The following MCCC1 variants were observed in gnomAD, a reference collection of about 807,000 sequenced individuals.
MCCC1 encodes the protein methylcrotonyl-CoA carboxylase subunit 1, also known as methylcrotonoyl-CoA carboxylase subunit alpha, mitochondrial.
Under a neutral mutation model 83.8 loss-of-function variants are expected in MCCC1, and 64 were observed. The observed-to-expected ratio is 0.76, with a 90% CI of 0.62 to 0.94. MCCC1 has a LOEUF of 0.94. MCCC1 is among the 40% of genes least tolerant of loss of function. The probability of loss-of-function intolerance (pLI) is 0.00; values close to 1 mark genes in which losing one functional copy is unlikely to be tolerated. For missense variants in MCCC1, 807 were observed against 904.7 expected, an observed-to-expected ratio of 0.89 and a Z score of 1.39; for synonymous variants, 322 against 315.4, an observed-to-expected ratio of 1.02 and a Z score of -0.22.
intron 7 of MCCC1, among the ~76,000 whole-genome samples, chr3:183,062,944 G>A (rs1054891840): frequency 2.6e-5 from 4 of 151,944 alleles, no homozygotes; most frequent in East Asian, 3.9e-4. Flanking sequence ...TATCATGAGC[G>A]CCTTGATATT....
At chr3:183,099,614 A>C, upstream of MCCC1, 1 of 732,806 alleles carries the variant, frequency 1.4e-6, no homozygotes, top group Non-Finnish European at 2.3e-6. Context: ...ACACCAATCA[A>C]AGACCAGAGC....
chr3:183,108,678 A>G (rs1719445027), intron 1 of MCCC1, among the ~76,000 whole-genome samples: 1 of 152,200 alleles, frequency 6.6e-6, no homozygotes, highest in African/African-American at 2.4e-5. Context: ...CAGAGTTAGA[A>G]GCTGGTGTGC....
chr3:183,046,419 A>C (rs566851949), intron 9 of MCCC1, among the ~76,000 whole-genome samples: 177 of 150,668 alleles, frequency 1.2e-3, no homozygotes, highest in African/African-American at 4.1e-3. Flanking sequence ...TTTTTTTAAG[A>C]TGGAATCTCA....
chr3:183,097,856 A>G (rs1718853510), intron 1 of MCCC1, among the ~76,000 whole-genome samples: 1 of 152,202 alleles, frequency 6.6e-6, no homozygotes, highest in African/African-American at 2.4e-5. Flanking sequence ...GGCCTAAGAA[A>G]AGAAAAACCA....
chr3:183,057,987 C>T (rs1039145342), intron 7 of MCCC1, among the ~76,000 whole-genome samples: 3 of 151,964 alleles, frequency 2.0e-5, no homozygotes, highest in Admixed American at 6.6e-5. Flanking sequence ...CTTCTCCAAC[C>T]TAAAGGAGAA....
upstream of MCCC1, among the ~76,000 whole-genome samples, chr3:183,100,860 C>T (rs1399354040): frequency 2.0e-5 from 3 of 152,238 alleles, no homozygotes; most frequent in Admixed American, 6.5e-5. Flanking sequence ...TGGCCAAGGC[C>T]GGAGCCCACT....
At chr3:183,030,188 G>A (rs1424950998) in intron 14 of MCCC1, among the ~76,000 whole-genome samples, 1 of 152,070 alleles carries the variant, frequency 6.6e-6, no homozygotes, top group Admixed American at 6.5e-5. Context: ...CACACCTGTA[G>A]TCCCAGCTAC....
chr3:183,112,701 T>G (rs1428763956), intron 1 of MCCC1, among the ~76,000 whole-genome samples: 2 of 152,168 alleles, frequency 1.3e-5, no homozygotes, highest in Non-Finnish European at 2.9e-5. Context: ...CCATAAATAT[T>G]TCAGCATGTA....
At position 183,025,135 on chromosome 3, in the gene MCCC1, G is replaced by A. The variant is rs528118517; in HGVS notation, c.1731+620C>T. 1.7e-3 allele frequency among the ~76,000 whole-genome samples: 252 copies of A among 152,264 alleles called. 1 individual carries two copies. The highest frequency in any genetic ancestry group is 5.5e-3 in the African/African-American group (227 of 41,556). On this transcript the variant is annotated intron_variant, in intron 15 of 18. Transcript: ENST00000265594. Reference sequence around the variant, plus strand: ...ACAGAGAGTAGAATCGTGGTTCTCAGGGGATGGGGGAAGAAGGAACGGAGT... The same window carrying A: ...ACAGAGAGTAGAATCGTGGTTCTCAAGGGATGGGGGAAGAAGGAACGGAGT...
At chr3:183,018,872 A>C (rs1481919071) in intron 17 of MCCC1, among the ~76,000 whole-genome samples, 1 of 152,180 alleles carries the variant, frequency 6.6e-6, no homozygotes, top group East Asian at 1.9e-4. Context: ...ACAGAATCAA[A>C]CTTATTAGCA....
intron 7 of MCCC1, among the ~76,000 whole-genome samples, chr3:183,061,922 G>A (rs1450311073): frequency 6.6e-6 from 1 of 152,170 alleles, no homozygotes; most frequent in African/African-American, 2.4e-5. Context: ...TGTGTGGTGG[G>A]AGGGACCCGG....
At chr3:183,081,171 T>C (rs1299347090) in intron 4 of MCCC1, among the ~76,000 whole-genome samples, 1 of 152,222 alleles carries the variant, frequency 6.6e-6, no homozygotes, top group Non-Finnish European at 1.5e-5. Context: ...CAAACCATGA[T>C]GTTCTTGAGC....
chr3:183,035,504 AT>A (rs34764997), intron 13 of MCCC1, among the ~76,000 whole-genome samples: 567 of 140,278 alleles, frequency 4.0e-3, no homozygotes, highest in Middle Eastern at 7.3e-3. Context: ...TGAATTTCAG[AT>A]TTTTTTTTTT....
chr3:183,110,393 AT>A (rs57833543), intron 1 of MCCC1, among the ~76,000 whole-genome samples: 9,820 of 129,484 alleles, frequency 0.076, 851 homozygotes, highest in African/African-American at 0.26. Flanking sequence ...TTTAGTCACA[AT>A]TTTTTTTTTT....
intron 8 of MCCC1, among the ~76,000 whole-genome samples, chr3:183,056,380 A>G (rs1715426480): frequency 6.6e-6 from 1 of 152,226 alleles, no homozygotes; most frequent in South Asian, 2.1e-4. Flanking sequence ...ACGTTGAACA[A>G]GAACCCATGG....
At chr3:183,094,472 G>A (rs1475549115) in intron 2 of MCCC1, 87 bp downstream of exon 2, 10 of 1,216,830 alleles carry the variant, frequency 8.2e-6, no homozygotes, top group Admixed American at 3.5e-5. Context: ...ATTCTATTAT[G>A]CATATATTAA....
At chr3:183,025,614 G>T in intron 15 of MCCC1, 141 bp downstream of exon 15, 1 of 794,548 alleles carries the variant, frequency 1.3e-6, no homozygotes, top group Non-Finnish European at 2.1e-6. Flanking sequence ...AATTGGGTCT[G>T]AAATACAAGC....
intron 9 of MCCC1, among the ~76,000 whole-genome samples, chr3:183,045,802 G>C (rs1459106491): frequency 6.6e-6 from 1 of 152,186 alleles, no homozygotes; most frequent in Admixed American, 6.5e-5. Context: ...GTTTCAGCTT[G>C]TAACAGTGAG....
Position 183,050,262 on chromosome 3 carries a change from A to G in MCCC1, c.955+1897T>C, listed in dbSNP as rs145815938. 3.8e-3 allele frequency among the ~76,000 whole-genome samples: 585 copies of G among 152,366 alleles called. 1 individual carries two copies. The highest frequency in any genetic ancestry group is 0.013 in the African/African-American group (557 of 41,594). On this transcript the variant is annotated intron_variant, in intron 9 of 18. Transcript: ENST00000265594. ...TTAAGTCAATAATTAATAACCTTCCAAAACAGAAAGCACAAGGCCAGCTGA... is the reference window on the plus strand; with the variant it reads ...TTAAGTCAATAATTAATAACCTTCCGAAACAGAAAGCACAAGGCCAGCTGA...
Sources: gnomAD v4.1 joint callset for allele counts (sites outside exome capture counted in the v4.1 genomes callset) on GRCh38, gnomAD v4.1.1 for gene constraint, MANE v1.5 for transcripts, NCBI Gene and HGNC (gene_info 2026-07-23, HGNC 2026-07-21) for gene names.